MAGI1: variants seen among roughly 807,000 people sequenced by gnomAD.
The protein encoded by MAGI1 is membrane associated guanylate kinase, WW and PDZ domain containing 1, also known as membrane-associated guanylate kinase, WW and PDZ domain-containing protein 1.
Under a neutral mutation model 139.9 loss-of-function variants are expected in MAGI1, and 58 were observed. The ratio of observed to expected loss-of-function variants is 0.41; its 90% CI spans 0.34 to 0.52. MAGI1 has a LOEUF of 0.52. Ranked by LOEUF, MAGI1 falls within the 20% of genes least tolerant of loss-of-function variation. MAGI1 has a pLI of 0.12. For synonymous variants in MAGI1, 812 were observed against 737.9 expected (o/e 1.10, Z -1.63); for missense variants, 1,874 against 1,901.6 (o/e 0.99, Z 0.27).
chr3:65,862,735 G>C (rs548756265), intron 1 of MAGI1, among the ~76,000 whole-genome samples: 36 of 152,346 alleles, frequency 2.4e-4, no homozygotes, highest in Admixed American at 3.9e-4. Context: ...ACATGCTGCA[G>C]ATGGCAGAGC....
At chr3:65,738,927 A>G (rs2107771248) in intron 1 of MAGI1, among the ~76,000 whole-genome samples, 1 of 152,344 alleles carries the variant, frequency 6.6e-6, no homozygotes, top group East Asian at 1.9e-4. Flanking sequence ...AATCTTCAGA[A>G]TAGTCAATGA....
chr3:65,871,526 C>G (rs2059939511), intron 1 of MAGI1, among the ~76,000 whole-genome samples: 1 of 152,110 alleles, frequency 6.6e-6, no homozygotes. Context: ...TGGGTGCTTC[C>G]CAGGAGGCCA....
chr3:65,361,462 C>T, intron 21 of MAGI1, 125 bp from the exon 22 acceptor site: 1 of 847,308 alleles, frequency 1.2e-6, no homozygotes, highest in South Asian at 1.7e-5. Context: ...AAACAGAAAT[C>T]CCTGCCCTCA....
chr3:65,942,387 T>C (rs2063355305), intron 1 of MAGI1, among the ~76,000 whole-genome samples: 1 of 152,170 alleles, frequency 6.6e-6, no homozygotes, highest in Non-Finnish European at 1.5e-5. Context: ...TCTGGAGAAC[T>C]ACTATCTTTT....
chr3:65,571,354 C>T (rs887202707), intron 2 of MAGI1, among the ~76,000 whole-genome samples: 7 of 151,966 alleles, frequency 4.6e-5, no homozygotes, highest in African/African-American at 1.7e-4. Flanking sequence ...AATAAATGCT[C>T]TTTAAATGGT....
intron 5 of MAGI1, among the ~76,000 whole-genome samples, chr3:65,467,510 A>G (rs1950246032): frequency 6.6e-6 from 1 of 152,236 alleles, no homozygotes; most frequent in African/African-American, 2.4e-5. Context: ...CCCAAATCCC[A>G]TAATTATCAT....
In MAGI1 at chr3:65,818,243, C is replaced by T. The variant is rs2041733199; in HGVS notation, c.314-196155G>A. ...ATTTTTCTACCAAGCATTCACTGTG[C>T]TATTTTGGTTAGTTTCTATGTCTGT... On this transcript the variant is annotated intron_variant, in intron 1 of 22. Transcript: ENST00000402939. 2.0e-5 allele frequency among the ~76,000 whole-genome samples: 3 copies of T among 152,254 alleles called. No homozygotes were observed. The South Asian group carries it at 6.2e-4, about 32-fold the overall frequency.
chr3:65,478,475 T>A, intron 4 of MAGI1, 117 bp downstream of exon 4: 1 of 953,018 alleles, frequency 1.0e-6, no homozygotes, highest in Non-Finnish European at 1.7e-6. Flanking sequence ...CAAGTTTGAA[T>A]TTTGGCGACT....
intron 12 of MAGI1, among the ~76,000 whole-genome samples, chr3:65,407,209 G>A (rs1945407886): frequency 6.6e-6 from 1 of 152,148 alleles, no homozygotes; most frequent in African/African-American, 2.4e-5. Context: ...CACTTTGGGA[G>A]GCTGAGGCAA....
chr3:65,649,687 GATATGAACAGACTCCAA>G (rs1445740036), intron 1 of MAGI1, among the ~76,000 whole-genome samples: 1 of 152,072 alleles, frequency 6.6e-6, no homozygotes, highest in African/African-American at 2.4e-5. Context: ...ATAGATAAAA[GATATGAACAGACTCCAA>G]ATATGAACTT....
intron 1 of MAGI1, among the ~76,000 whole-genome samples, chr3:65,721,900 A>G (rs2033076610): frequency 6.6e-6 from 1 of 151,778 alleles, no homozygotes; most frequent in South Asian, 2.1e-4. Context: ...CGACTAAGGA[A>G]TCTGTAATTC....
chr3:65,942,914 G>A (rs984569977), intron 1 of MAGI1, among the ~76,000 whole-genome samples: 6 of 152,068 alleles, frequency 3.9e-5, no homozygotes, highest in African/African-American at 1.4e-4. Flanking sequence ...CCATCTACTC[G>A]GGAGGCTGAG....
At chr3:65,692,412 C>T (rs1461691989) in intron 1 of MAGI1, among the ~76,000 whole-genome samples, 1 of 152,126 alleles carries the variant, frequency 6.6e-6, no homozygotes, top group Non-Finnish European at 1.5e-5. Context: ...TGAAACTGTG[C>T]CTCCCTGCCA....
At chr3:65,552,316 A>T (rs1236081401) in intron 2 of MAGI1, among the ~76,000 whole-genome samples, 1 of 151,958 alleles carries the variant, frequency 6.6e-6, no homozygotes, top group East Asian at 1.9e-4. Flanking sequence ...CAACATGAAC[A>T]TCTAATTATG....
intron 2 of MAGI1, among the ~76,000 whole-genome samples, chr3:65,512,512 A>T (rs2077650841): frequency 6.6e-6 from 1 of 151,436 alleles, no homozygotes; most frequent in Non-Finnish European, 1.5e-5. Context: ...CTACCATCAG[A>T]GAATACTACA....
At chr3:65,862,061 A>T (rs531999733) in intron 1 of MAGI1, among the ~76,000 whole-genome samples, 2 of 152,280 alleles carry the variant, frequency 1.3e-5, no homozygotes, top group African/African-American at 2.4e-5. Context: ...TCTTTGCACT[A>T]TGTCTAATGA....
chr3:65,436,843 C>G (rs1301739801), intron 10 of MAGI1, among the ~76,000 whole-genome samples: 1 of 151,826 alleles, frequency 6.6e-6, no homozygotes, highest in Non-Finnish European at 1.5e-5. Context: ...CCAGGACAAA[C>G]CCACACAACA....
chr3:65,809,450 C>T (rs1422927410), intron 1 of MAGI1, among the ~76,000 whole-genome samples: 1 of 152,110 alleles, frequency 6.6e-6, no homozygotes, highest in South Asian at 2.1e-4. Flanking sequence ...ATACTGCTTA[C>T]CCAAGTCAGA....
At chr3:65,836,686 G>C (rs2042824153) in intron 1 of MAGI1, among the ~76,000 whole-genome samples, 1 of 152,074 alleles carries the variant, frequency 6.6e-6, no homozygotes. Context: ...GGGCGTGGTG[G>C]TGGGCGCCTA....
Sources: gnomAD v4.1 joint callset for allele counts (sites outside exome capture counted in the v4.1 genomes callset) on GRCh38, gnomAD v4.1.1 for gene constraint, MANE v1.5 for transcripts, NCBI Gene and HGNC (gene_info 2026-07-23, HGNC 2026-07-21) for gene names.